Variants in PDE4D observed in about 807,000 individuals in gnomAD.
PDE4D encodes the protein 3',5'-cyclic-AMP phosphodiesterase 4D.
PDE4D carries 24 observed loss-of-function variants against 87.4 expected under a neutral mutation model. That is an observed-to-expected ratio of 0.27 (90% CI 0.20 to 0.39). The LOEUF is 0.39. Among genes scored for constraint, PDE4D ranks in the 10% least tolerant of loss-of-function variants. The pLI, the probability that PDE4D is intolerant of heterozygous loss-of-function variation, is 1.00. For synonymous variants in PDE4D, 384 were observed against 383.2 expected (o/e 1.00, Z -0.02); for missense variants, 714 against 1,041.0 (o/e 0.69, Z 4.32).
intron 1 of PDE4D, among the ~76,000 whole-genome samples, chr5:60,234,745 T>C (rs2149637256): frequency 6.6e-6 from 1 of 152,030 alleles, no homozygotes; most frequent in East Asian, 1.9e-4. Flanking sequence ...ATTTGGAATT[T>C]CTACTTCTTA....
In PDE4D at chr5:59,079,096, G is replaced by A. The variant is rs192211575; in HGVS notation, c.809-40125C>T. 2.0e-4 allele frequency among the ~76,000 whole-genome samples: 30 copies of A among 152,246 alleles called. No homozygotes were observed. In the East Asian group the frequency reaches 3.9e-3, roughly 20 times the overall value. ...CTCATGATAAATTACCTAGTCTCAA[G>A]TATTCTGTTAGAGCAGCACAAAATG... On this transcript the variant is annotated intron_variant, in intron 5 of 14. Transcript: ENST00000340635.
At chr5:60,289,701 G>A (rs1212220286) in intron 1 of PDE4D, among the ~76,000 whole-genome samples, 2 of 152,208 alleles carry the variant, frequency 1.3e-5, no homozygotes, top group Non-Finnish European at 2.9e-5. Flanking sequence ...ATTATGGCAA[G>A]AGTGGGACAA....
At position 59,303,596 on chromosome 5, in the gene PDE4D, C is replaced by T. The variant is rs549252998; in HGVS notation, c.456-87628G>A. 1.2e-4 allele frequency among the ~76,000 whole-genome samples: 18 copies of T among 152,218 alleles called. No individual in the cohort carries two copies. In the South Asian group the frequency reaches 3.1e-3, roughly 26 times the overall value. On this transcript the variant is annotated intron_variant, in intron 1 of 14. Coordinates refer to ENST00000340635, the MANE Select transcript of PDE4D (RefSeq NM_001104631.2). ...GTGAGAGATAGGATCTAGTTTCATT[C>T]TCCTATGTGTGGCTAGCCAATTATC...
intron 2 of PDE4D, among the ~76,000 whole-genome samples, chr5:60,149,686 A>G (rs1781323070): frequency 6.6e-6 from 1 of 151,844 alleles, no homozygotes; most frequent in South Asian, 2.1e-4. Flanking sequence ...TCATTTAATG[A>G]AAGACTTTGG....
chr5:60,395,613 G>A (rs1450866281), intron 1 of PDE4D, among the ~76,000 whole-genome samples: 1 of 152,142 alleles, frequency 6.6e-6, no homozygotes, highest in East Asian at 1.9e-4. Flanking sequence ...AAGTAGTGAG[G>A]CAGAAAGGAT....
intron 1 of PDE4D, among the ~76,000 whole-genome samples, chr5:60,337,388 T>TACATACAC (rs1757900283): frequency 1.1e-5 from 1 of 89,478 alleles, no homozygotes; most frequent in Non-Finnish European, 2.2e-5. Context: ...TATATATATA[T>TACATACAC]ACACACACAC....
At chr5:60,426,853 T>G (rs1488764228) in intron 1 of PDE4D, among the ~76,000 whole-genome samples, 3 of 151,202 alleles carry the variant, frequency 2.0e-5, no homozygotes, top group African/African-American at 7.3e-5. Flanking sequence ...TCTCAAGGAG[T>G]GAATAGAGGA....
intron 1 of PDE4D, among the ~76,000 whole-genome samples, chr5:60,286,936 C>G (rs1752469020): frequency 6.6e-6 from 1 of 152,088 alleles, no homozygotes; most frequent in Non-Finnish European, 1.5e-5. Context: ...TTTCATTGTT[C>G]AAAAATAACA....
chr5:58,989,688 G>T, intron 10 of PDE4D, 67 bp downstream of exon 10: 2 of 959,760 alleles, frequency 2.1e-6, no homozygotes, highest in Non-Finnish European at 3.0e-6. Flanking sequence ...AAACCCTTCA[G>T]ATAAAAGTTT....
chr5:59,928,922 C>A (rs748337212), intron 3 of PDE4D, among the ~76,000 whole-genome samples: 1 of 149,808 alleles, frequency 6.7e-6, no homozygotes, highest in Non-Finnish European at 1.5e-5. Flanking sequence ...TATATATATC[C>A]CTACTCATTT....
intron 1 of PDE4D, among the ~76,000 whole-genome samples, chr5:59,466,666 C>T (rs1048532078): frequency 6.6e-6 from 1 of 152,112 alleles, no homozygotes; most frequent in African/African-American, 2.4e-5. Flanking sequence ...GCTACTTTTT[C>T]CAGTAATTTC....
chr5:59,460,823 A>C (rs1201807312), intron 1 of PDE4D, among the ~76,000 whole-genome samples: 1 of 152,162 alleles, frequency 6.6e-6, no homozygotes, highest in Non-Finnish European at 1.5e-5. Context: ...TCCCCTTTAC[A>C]TTCACCCTAA....
chr5:59,085,806 G>A (rs1035379448), intron 5 of PDE4D, among the ~76,000 whole-genome samples: 5 of 152,148 alleles, frequency 3.3e-5, no homozygotes, highest in African/African-American at 1.2e-4. Flanking sequence ...AACATTAGAT[G>A]TTACTGGAGG....
intron 1 of PDE4D, among the ~76,000 whole-genome samples, chr5:60,507,202 G>A (rs1399988937): frequency 1.3e-5 from 2 of 151,602 alleles, no homozygotes; most frequent in Non-Finnish European, 2.9e-5. Flanking sequence ...AGCCTCCTGA[G>A]TAGCTGGGAC....
chr5:59,280,507 T>C (rs1224984845), intron 1 of PDE4D, among the ~76,000 whole-genome samples: 1 of 152,144 alleles, frequency 6.6e-6, no homozygotes, highest in Non-Finnish European at 1.5e-5. Flanking sequence ...GCTGCTGTAT[T>C]TCCTTTGCAT....
chr5:60,369,860 G>A (rs780208149), intron 1 of PDE4D, among the ~76,000 whole-genome samples: 24 of 152,100 alleles, frequency 1.6e-4, no homozygotes, highest in Non-Finnish European at 2.5e-4. Context: ...CGTGAATCGA[G>A]GTCATTCTGT....
At chr5:59,802,888 C>T (rs1382788267) in intron 1 of PDE4D, among the ~76,000 whole-genome samples, 1 of 152,070 alleles carries the variant, frequency 6.6e-6, no homozygotes, top group African/African-American at 2.4e-5. Flanking sequence ...CAAATAGTGG[C>T]CTGATGTCTT....
intron 1 of PDE4D, among the ~76,000 whole-genome samples, chr5:59,818,236 G>T (rs891694162): frequency 3.3e-5 from 5 of 152,192 alleles, no homozygotes; most frequent in Non-Finnish European, 7.4e-5. Flanking sequence ...TGATCGCCTA[G>T]CTGTGTGAGC....
chr5:60,376,702 C>A (rs1234241051), intron 1 of PDE4D, among the ~76,000 whole-genome samples: 1 of 152,170 alleles, frequency 6.6e-6, no homozygotes, highest in Non-Finnish European at 1.5e-5. Flanking sequence ...TGCCTCTACC[C>A]CTCACTGCAC....
Sources: allele counts gnomAD v4.1 joint callset (sites outside exome capture counted in the v4.1 genomes callset), GRCh38; gene constraint gnomAD v4.1.1; transcripts MANE v1.5; gene names NCBI Gene and HGNC (gene_info 2026-07-23, HGNC 2026-07-21).